The following RPL7A variants were observed in gnomAD, a reference collection of about 807,000 sequenced individuals.
RPL7A encodes the protein ribosomal protein L7a, also known as large ribosomal subunit protein eL8.
For missense variants in RPL7A, 291 were observed against 338.2 expected (o/e 0.86, Z 1.09); for synonymous variants, 158 against 128.2 (o/e 1.23, Z -1.57).
chr9:133,348,694 G>T (rs2129979925), intron 1 of RPL7A: 45,872 of 728,726 alleles, frequency 0.063, 1,787 homozygotes, highest in Non-Finnish European at 0.083. Context: ...GTGGTCTCGG[G>T]CTTAGCCTTG....
chr9:133,349,364 A>G (rs1283094800), intron 2 of RPL7A, 187 bp from the exon 3 acceptor site: 5 of 901,088 alleles, frequency 5.5e-6, no homozygotes, highest in Non-Finnish European at 9.3e-6. Context: ...GATGAGGAAA[A>G]GCATCGTGCT....
chr9:133,350,177 C>G lies in RPL7A; in HGVS notation c.416-63C>G, dbSNP rs2129991901. 5 of 1,607,270 alleles carry G rather than the reference C, an allele frequency of 3.1e-6. No individual in the cohort carries two copies. In the African/African-American group the frequency reaches 6.7e-5, roughly 21 times the overall value. On this transcript the variant is annotated intron_variant, in intron 4 of 7. Coordinates refer to ENST00000323345, the MANE Select transcript of RPL7A (RefSeq NM_000972.3). ...TTTAACACTGAGTCAGCAGCTGAGCCCAGCAGCTTCTTGTGACTAGAGCAG... is the reference window on the plus strand; with the variant it reads ...TTTAACACTGAGTCAGCAGCTGAGCGCAGCAGCTTCTTGTGACTAGAGCAG...
In RPL7A at chr9:133,350,380, G is replaced by A. The variant is rs151258211; in HGVS notation, c.495+61G>A. On this transcript the variant is annotated intron_variant, in intron 5 of 7. Coordinates refer to ENST00000323345, the MANE Select transcript of RPL7A (RefSeq NM_000972.3). ...CTGGCAGTACCAGGAAGAGAGAGTA[G>A]ACCTAATGCCAAGTCAGTGATGGGA... 2.3e-5 allele frequency: 36 copies of A among 1,588,538 alleles called. No individual in the cohort carries two copies. In the East Asian group the frequency reaches 3.1e-4, roughly 14 times the overall value.
rs2129982724 is a variant in RPL7A at position 133,348,996 on chromosome 9, A to G, written c.78A>G (p.Lys26=). The G allele has an allele frequency of 6.2e-7, 1 of 1,614,026 alleles. No homozygotes were observed. The highest frequency in any genetic ancestry group is 8.5e-7 in the Non-Finnish European group (1 of 1,180,016). The change falls in exon 2 of 8, where the codon AAA becomes AAG. Residue 26 remains lysine, a synonymous_variant. Coordinates refer to ENST00000323345, the MANE Select transcript of RPL7A (RefSeq NM_000972.3). ...PAVVKKQEAK[K]VVNPLFEKRP... ...TCGTGAAGAAGCAGGAGGCTAAGAA[A>G]GTGGTGAATCCCCTGTTTGAGAAAA...
chr9:133,349,356 T>A, intron 2 of RPL7A, 195 bp from the exon 3 acceptor site: 1 of 883,122 alleles, frequency 1.1e-6, no homozygotes, highest in South Asian at 1.3e-5. Flanking sequence ...TCTTGTTAGA[T>A]GAGGAAAAGC....
intron 2 of RPL7A, 25 bp from the exon 3 acceptor site, chr9:133,349,526 C>T (rs1051367757): frequency 5.0e-6 from 8 of 1,613,942 alleles, no homozygotes; most frequent in African/African-American, 2.7e-5. Context: ...TTGAGCCTCA[C>T]TCGGTGTCAC....
chr9:133,350,502 T>C lies in RPL7A; in HGVS notation c.496-95T>C, dbSNP rs1836362566. 8 of 1,597,584 alleles carry C rather than the reference T, an allele frequency of 5.0e-6. No individual in the cohort carries two copies. The South Asian group carries it at 6.6e-5, about 13-fold the overall frequency. ...ACTGAATTCAACCTTGAAGTGCGAA[T>C]CCATGAGCTTTTTAACCCTGAGCAA... On this transcript the variant is annotated intron_variant, in intron 5 of 7. Coordinates refer to ENST00000323345, the MANE Select transcript of RPL7A (RefSeq NM_000972.3).
intron 5 of RPL7A, 42 bp downstream of exon 5, chr9:133,350,361 G>A (rs2129993065): frequency 3.1e-6 from 5 of 1,605,324 alleles, no homozygotes; most frequent in Middle Eastern, 1.6e-4. Context: ...GCTTCTGGCA[G>A]TACCAGGAAG....
intron 2 of RPL7A, 50 bp downstream of exon 2, chr9:133,349,092 A>G (rs1418045332): frequency 1.7e-5 from 28 of 1,604,068 alleles, no homozygotes; most frequent in Non-Finnish European, 2.3e-5. Context: ...TCTCAAGGGA[A>G]GGTGGTAATT....
At chr9:133,349,447 T>TA in intron 2 of RPL7A, 104 bp from the exon 3 acceptor site, 2 of 1,399,550 alleles carry the variant, frequency 1.4e-6, no homozygotes, top group Non-Finnish European at 2.0e-6. Context: ...GATGACATTT[T>TA]AAACCACCAA....
At chr9:133,350,960 T>G (rs2129997248) in intron 6 of RPL7A, 42 bp from the exon 7 acceptor site, 1 of 1,604,494 alleles carries the variant, frequency 6.2e-7, no homozygotes, top group Admixed American at 1.7e-5. Context: ...AAAGGGAAAC[T>G]AAGGCAAAAA....
intron 6 of RPL7A, 115 bp downstream of exon 6, chr9:133,350,842 A>G (rs2129996463): frequency 6.4e-7 from 1 of 1,559,618 alleles, no homozygotes; most frequent in East Asian, 2.2e-5. Context: ...ATTTATCTGA[A>G]CTTTTGCCAA....
At chr9:133,348,704 G>A (rs782529261) in intron 1 of RPL7A, 2 of 755,122 alleles carry the variant, frequency 2.6e-6, no homozygotes. Flanking sequence ...GCTTAGCCTT[G>A]CTCTGGCCAC....
chr9:133,348,557 G>C, intron 1 of RPL7A: 1 of 595,162 alleles, frequency 1.7e-6, no homozygotes, highest in Non-Finnish European at 3.0e-6. Context: ...CTTGCTGGGG[G>C]CCGCTCCAGA....
In RPL7A at chr9:133,350,081, C is replaced by T. The variant is rs2129991151; in HGVS notation, c.415+29C>T. On this transcript the variant is annotated intron_variant, in intron 4 of 7. Coordinates refer to ENST00000323345, the MANE Select transcript of RPL7A (RefSeq NM_000972.3). ...AGTAGGCCCCACCTTAGGGTGAACACTGGGGGCGGGCTGTTGCAGTGATGT... is the reference window on the plus strand; with the variant it reads ...AGTAGGCCCCACCTTAGGGTGAACATTGGGGGCGGGCTGTTGCAGTGATGT... 5.0e-6 allele frequency: 8 copies of T among 1,613,824 alleles called. No individual in the cohort carries two copies. The East Asian group carries it at 1.8e-4, about 36-fold the overall frequency.
In RPL7A at chr9:133,351,329, A is replaced by G. The variant is rs1173063680; in HGVS notation, c.764A>G (p.Lys255Arg). 2 of 1,613,504 alleles carry G rather than the reference A, an allele frequency of 1.2e-6. No homozygotes were observed. Among genetic ancestry groups the G allele is most frequent in the African/African-American group, 2.7e-5 (2 of 74,928 alleles). The stretch of plus-strand genomic sequence containing the variant: ...GTGGCTCGTATCGCCAAGCTCGAAA[A>G]GGCAAAGGCTAAAGAACTTGCCACT... ...KSVARIAKLE[K>R]AKAKELATKL... Residue 255 changes from lysine (K) to arginine (R), a missense_variant, in exon 8 of 8, where the codon AAG becomes AGG. Transcript: ENST00000323345.
chr9:133,348,967 G>A lies in RPL7A; in HGVS notation c.49G>A (p.Ala17Thr), dbSNP rs1836300072. ...AKGKKVAPAP[A>T]VVKKQEAKKV... Reference sequence around the variant, plus strand: ...GGGAAAGAAGGTGGCTCCGGCCCCAGCTGTCGTGAAGAAGCAGGAGGCTAA... The same window carrying A: ...GGGAAAGAAGGTGGCTCCGGCCCCAACTGTCGTGAAGAAGCAGGAGGCTAA... Residue 17 changes from alanine (A) to threonine (T), a missense_variant, in exon 2 of 8, where the codon GCT (alanine) becomes ACT (threonine). Transcript: ENST00000323345. The A allele has an allele frequency of 6.2e-7, 1 of 1,613,908 alleles. No individual in the cohort carries two copies. The highest frequency in any genetic ancestry group is 1.7e-5 in the Admixed American group (1 of 60,012).
intron 1 of RPL7A, 108 bp downstream of exon 1, chr9:133,348,354 G>A (rs2129978115): frequency 1.4e-5 from 20 of 1,477,764 alleles, no homozygotes; most frequent in East Asian, 6.8e-5. Flanking sequence ...CTGGCGCTAG[G>A]AGAGCCCCAC....
intron 2 of RPL7A, chr9:133,349,260 C>G (rs2129984497): frequency 1.3e-6 from 1 of 742,120 alleles, no homozygotes; most frequent in East Asian, 2.6e-5. Flanking sequence ...TTGAATTCAG[C>G]TTAGCCATCT....
Sources: gnomAD v4.1 joint callset for allele counts on GRCh38, gnomAD v4.1.1 for gene constraint, MANE v1.5 for transcripts, NCBI Gene and HGNC (gene_info 2026-07-23, HGNC 2026-07-21) for gene names.